The following MNAT1 variants were observed in gnomAD, a reference collection of about 807,000 sequenced individuals.
MNAT1 encodes CDK-activating kinase assembly factor MAT1.
A neutral mutation model predicts 42.0 loss-of-function variants in MNAT1; 43 were observed. The observed-to-expected ratio is 1.02, with a 90% CI of 0.80 to 1.32. MNAT1 has a LOEUF of 1.32. MNAT1 is among the 40% of genes most tolerant of loss of function. The pLI, the probability that MNAT1 is intolerant of heterozygous loss-of-function variation, is 0.00. For missense variants in MNAT1, 306 were observed against 350.4 expected, an observed-to-expected ratio of 0.87 and a Z score of 1.01; for synonymous variants, 118 against 120.0, an observed-to-expected ratio of 0.98 and a Z score of 0.11.
intron 7 of MNAT1, among the ~76,000 whole-genome samples, chr14:60,921,002 CTCT>C (rs997300842): frequency 3.3e-5 from 5 of 152,114 alleles, no homozygotes; most frequent in South Asian, 2.1e-4. Flanking sequence ...ACCTAAGTCT[CTCT>C]TCTTCTTCTG....
chr14:60,749,793 G>A (rs61991696), intron 1 of MNAT1, among the ~76,000 whole-genome samples: 8,861 of 152,228 alleles, frequency 0.058, 359 homozygotes, highest in Middle Eastern at 0.13. Context: ...ACAGCAAATA[G>A]AATGAGAATA....
intron 7 of MNAT1, among the ~76,000 whole-genome samples, chr14:60,922,215 T>C (rs2035675948): frequency 6.6e-6 from 1 of 152,176 alleles, no homozygotes; most frequent in Non-Finnish European, 1.5e-5. Flanking sequence ...TTCAGTGATG[T>C]AATGGGAACT....
chr14:60,964,196 G>A (rs58230510), intron 7 of MNAT1, among the ~76,000 whole-genome samples: 1 of 152,190 alleles, frequency 6.6e-6, no homozygotes, highest in African/African-American at 2.4e-5. Flanking sequence ...GAAAATGACA[G>A]TGTAGGAAAC....
intron 6 of MNAT1, among the ~76,000 whole-genome samples, chr14:60,842,766 T>C (rs2033584942): frequency 6.6e-6 from 1 of 152,166 alleles, no homozygotes. Flanking sequence ...CCATCATAAG[T>C]TGAAAATACC....
chr14:60,879,454 A>G (rs1165016169), intron 6 of MNAT1, among the ~76,000 whole-genome samples: 1 of 152,298 alleles, frequency 6.6e-6, no homozygotes, highest in Non-Finnish European at 1.5e-5. Context: ...TACCATGGAC[A>G]TTGAACAACT....
rs2139632639 is a variant in MNAT1, at chr14:60,968,683, T to G, written c.*334T>G. On this transcript the variant is annotated 3_prime_UTR_variant, in exon 8 of 8. Coordinates refer to ENST00000261245, the MANE Select transcript of MNAT1 (RefSeq NM_002431.4). ...AATAAAGCTATAATTTATATTAAGT[T>G]CTGTGGTTTTTCTCTTATTACAGTG... 1 of 442,608 alleles carries G rather than the reference T, an allele frequency of 2.3e-6. No homozygotes were observed. Among genetic ancestry groups the G allele is most frequent in the Non-Finnish European group, 3.7e-6 (1 of 269,496 alleles). 27.4% of individuals were successfully genotyped at this position (442,608 alleles called of 1,614,324 possible). A position where few individuals can be genotyped will look rare whatever the true frequency, so the allele number is the denominator to read the frequency against.
chr14:60,857,292 A>G (rs1201712732), intron 6 of MNAT1, among the ~76,000 whole-genome samples: 1 of 152,206 alleles, frequency 6.6e-6, no homozygotes, highest in Non-Finnish European at 1.5e-5. Context: ...TCCAACCCCC[A>G]TGGAAGGACT....
intron 1 of MNAT1, among the ~76,000 whole-genome samples, chr14:60,765,486 C>T (rs917003457): frequency 3.9e-5 from 6 of 151,920 alleles, no homozygotes; most frequent in African/African-American, 1.5e-4. Flanking sequence ...CAAACCTGCA[C>T]GTTCTGCACA....
chr14:60,839,951 G>A (rs995696174), intron 6 of MNAT1, among the ~76,000 whole-genome samples: 2 of 152,208 alleles, frequency 1.3e-5, no homozygotes, highest in Admixed American at 1.3e-4. Flanking sequence ...CGTGCACAGC[G>A]TATCAGGCCG....
chr14:60,936,124 G>A (rs2035989662), intron 7 of MNAT1, among the ~76,000 whole-genome samples: 1 of 152,186 alleles, frequency 6.6e-6, no homozygotes, highest in Admixed American at 6.5e-5. Context: ...ATGTGGGCAT[G>A]CTCAGACAAG....
chr14:60,775,335 A>T (rs1048480798), intron 1 of MNAT1, among the ~76,000 whole-genome samples: 1 of 152,172 alleles, frequency 6.6e-6, no homozygotes, highest in African/African-American at 2.4e-5. Flanking sequence ...ATTCATGAGA[A>T]TTGTTTCAGT....
intron 1 of MNAT1, among the ~76,000 whole-genome samples, chr14:60,759,933 G>T (rs2030526113): frequency 6.6e-6 from 1 of 152,058 alleles, no homozygotes; most frequent in Non-Finnish European, 1.5e-5. Context: ...TTAAAGTTCT[G>T]TTCTGCCCAG....
At chr14:60,802,086 GT>G (rs974212025) in intron 3 of MNAT1, among the ~76,000 whole-genome samples, 8 of 152,278 alleles carry the variant, frequency 5.3e-5, no homozygotes, top group African/African-American at 1.7e-4. Flanking sequence ...ACTTAGAGAA[GT>G]AAAGAGTAGA....
intron 7 of MNAT1, among the ~76,000 whole-genome samples, chr14:60,964,731 A>G (rs971282702): frequency 1.6e-4 from 24 of 152,196 alleles, no homozygotes; most frequent in African/African-American, 5.8e-4. Context: ...TATACATGAA[A>G]TGATACTGAC....
intron 1 of MNAT1, among the ~76,000 whole-genome samples, chr14:60,762,059 G>A (rs2030622459): frequency 6.6e-6 from 1 of 152,000 alleles, no homozygotes; most frequent in Admixed American, 6.6e-5. Context: ...TTTTTCCCAT[G>A]TTTTACTGAT....
chr14:60,827,113 A>G (rs1474312010), intron 6 of MNAT1, among the ~76,000 whole-genome samples: 1 of 152,196 alleles, frequency 6.6e-6, no homozygotes, highest in East Asian at 1.9e-4. Context: ...TTTTTATGTC[A>G]AAAGATAATT....
chr14:60,808,686 G>T, intron 4 of MNAT1: 1 of 206,954 alleles, frequency 4.8e-6, no homozygotes, highest in Non-Finnish European at 9.8e-6. Flanking sequence ...GATTGTTAAC[G>T]CTAGTTTTAT....
chr14:60,772,104 T>C (rs1329239069), intron 1 of MNAT1, among the ~76,000 whole-genome samples: 1 of 152,176 alleles, frequency 6.6e-6, no homozygotes, highest in East Asian at 1.9e-4. Context: ...TTATGAGTTT[T>C]ATTACAGGGT....
intron 7 of MNAT1, among the ~76,000 whole-genome samples, chr14:60,891,743 G>A (rs955012414): frequency 6.6e-6 from 1 of 152,120 alleles, no homozygotes; most frequent in Non-Finnish European, 1.5e-5. Context: ...GTGAGACACT[G>A]TGCTTGGTCA....
Sources: gnomAD v4.1 joint callset for allele counts (sites outside exome capture counted in the v4.1 genomes callset) on GRCh38, gnomAD v4.1.1 for gene constraint, MANE v1.5 for transcripts, NCBI Gene and HGNC (gene_info 2026-07-23, HGNC 2026-07-21) for gene names.